The following SAMHD1 variants were observed in gnomAD, a reference collection of about 807,000 sequenced individuals.
SAMHD1 encodes the protein deoxynucleoside triphosphate triphosphohydrolase SAMHD1.
SAMHD1 carries 54 observed loss-of-function variants against 79.6 expected under a neutral mutation model. That is an observed-to-expected ratio of 0.68 (90% CI 0.55 to 0.85). The LOEUF is 0.85. SAMHD1 is among the 40% of genes least tolerant of loss of function. The pLI is 0.00. For missense variants in SAMHD1, 663 were observed against 782.7 expected (o/e 0.85, Z 1.82); for synonymous variants, 260 against 264.1 (o/e 0.98, Z 0.15).
chr20:36,904,439 C>A, intron 12 of SAMHD1, 190 bp from the exon 13 acceptor site: 1 of 580,814 alleles, frequency 1.7e-6, no homozygotes, highest in Non-Finnish European at 3.1e-6. Flanking sequence ...TAAAAAGTGG[C>A]CAGGCGCAGT....
At chr20:36,901,156 G>A (rs1990299240) in intron 13 of SAMHD1, among the ~76,000 whole-genome samples, 1 of 152,130 alleles carries the variant, frequency 6.6e-6, no homozygotes, top group Non-Finnish European at 1.5e-5. Flanking sequence ...GAGAGGGGAA[G>A]AGCAGTGTGG....
intron 1 of SAMHD1, among the ~76,000 whole-genome samples, chr20:36,949,330 G>C (rs1310636325): frequency 6.6e-6 from 1 of 151,172 alleles, no homozygotes; most frequent in African/African-American, 2.4e-5. Context: ...GAACCAAACA[G>C]AGGTTGGGCA....
chr20:36,948,605 A>T (rs2063710709), intron 1 of SAMHD1, among the ~76,000 whole-genome samples: 1 of 151,356 alleles, frequency 6.6e-6, no homozygotes, highest in Non-Finnish European at 1.5e-5. Flanking sequence ...GTGGTGGCTC[A>T]CACCTGTAAT....
chr20:36,944,007 G>C (rs1311198456), intron 2 of SAMHD1, among the ~76,000 whole-genome samples: 1 of 149,150 alleles, frequency 6.7e-6, no homozygotes, highest in African/African-American at 2.5e-5. Context: ...GAATCTGGGA[G>C]GTGGAGGTTG....
At chr20:36,909,188 C>T (rs2063422309) in intron 11 of SAMHD1, among the ~76,000 whole-genome samples, 1 of 152,088 alleles carries the variant, frequency 6.6e-6, no homozygotes, top group Admixed American at 6.6e-5. Flanking sequence ...TCTCGAACTC[C>T]TGACCTCAGG....
At chr20:36,931,021 G>A (rs2146132354) in intron 4 of SAMHD1, 146 bp from the exon 5 acceptor site, 1 of 682,002 alleles carries the variant, frequency 1.5e-6, no homozygotes, top group Non-Finnish European at 2.7e-6. Context: ...GAACTAGGCA[G>A]GAACACACAC....
intron 4 of SAMHD1, among the ~76,000 whole-genome samples, chr20:36,931,241 T>A (rs997235818): frequency 4.6e-5 from 7 of 152,206 alleles, no homozygotes; most frequent in Non-Finnish European, 8.8e-5. Context: ...GTAGCTGCCA[T>A]GGAAAACAGT....
chr20:36,944,486 GT>G (rs2063671158), intron 2 of SAMHD1, among the ~76,000 whole-genome samples: 1 of 152,142 alleles, frequency 6.6e-6, no homozygotes, highest in African/African-American at 2.4e-5. Context: ...ATAATCCTTT[GT>G]TTTGATTCTT....
At chr20:36,927,696 G>A (rs926899575) in intron 5 of SAMHD1, among the ~76,000 whole-genome samples, 2 of 152,122 alleles carry the variant, frequency 1.3e-5, no homozygotes, top group African/African-American at 4.8e-5. Flanking sequence ...CACAAAAAGG[G>A]ACAAACCCTT....
chr20:36,940,641 G>A (rs368872473), intron 3 of SAMHD1: 17 of 259,076 alleles, frequency 6.6e-5, no homozygotes, highest in East Asian at 3.3e-4. Context: ...GGAGGTTGGA[G>A]TGAGCTGAGA....
chr20:36,903,923 ATTTTT>A, intron 13 of SAMHD1: 1 of 415,482 alleles, frequency 2.4e-6, no homozygotes. Flanking sequence ...GTAATTAAAA[ATTTTT>A]AATTAATATA....
At chr20:36,913,092 G>C (rs1191490311) in intron 9 of SAMHD1, among the ~76,000 whole-genome samples, 8 of 148,588 alleles carry the variant, frequency 5.4e-5, no homozygotes. Context: ...TGCCTCCTGG[G>C]TTCATGCCAT....
At chr20:36,945,512 T>C (rs1260423202) in intron 2 of SAMHD1, among the ~76,000 whole-genome samples, 1 of 152,226 alleles carries the variant, frequency 6.6e-6, no homozygotes, top group Non-Finnish European at 1.5e-5. Context: ...GTGTGTATAA[T>C]TCAATTATTC....
intron 5 of SAMHD1, among the ~76,000 whole-genome samples, chr20:36,930,502 A>C (rs1231305972): frequency 2.0e-5 from 3 of 152,126 alleles, no homozygotes; most frequent in Admixed American, 6.6e-5. Context: ...CTCAAAAAAA[A>C]AACAACAACA....
chr20:36,906,941 G>C (rs961004831), intron 11 of SAMHD1, among the ~76,000 whole-genome samples: 10 of 151,678 alleles, frequency 6.6e-5, no homozygotes, highest in African/African-American at 2.4e-4. Flanking sequence ...ACAGGTACAT[G>C]CCACCACACC....
At chr20:36,936,847 G>C (rs2063607153) in intron 3 of SAMHD1, among the ~76,000 whole-genome samples, 1 of 151,914 alleles carries the variant, frequency 6.6e-6, no homozygotes, top group Non-Finnish European at 1.5e-5. Flanking sequence ...TTTTGGTAGA[G>C]ATGGGGTTTC....
chr20:36,934,844 G>T, intron 4 of SAMHD1, 185 bp downstream of exon 4: 1 of 554,560 alleles, frequency 1.8e-6, no homozygotes, highest in South Asian at 1.8e-5. Flanking sequence ...TTGTAGTAAA[G>T]ATGGGGTTTC....
chr20:36,932,609 G>T (rs907827594), intron 4 of SAMHD1, among the ~76,000 whole-genome samples: 7 of 151,746 alleles, frequency 4.6e-5, no homozygotes, highest in Non-Finnish European at 1.0e-4. Flanking sequence ...TAGAGACGGG[G>T]TTTCGCCATG....
At chr20:36,905,306 TCTC>T (rs2063398309) in intron 12 of SAMHD1, 55 bp downstream of exon 12, 4 of 1,564,552 alleles carry the variant, frequency 2.6e-6, no homozygotes, top group Non-Finnish European at 3.5e-6. Flanking sequence ...AGGTTAGTGG[TCTC>T]CTCTTGGAGG....
Sources: gnomAD v4.1 joint callset for allele counts (sites outside exome capture counted in the v4.1 genomes callset) on GRCh38, gnomAD v4.1.1 for gene constraint, MANE v1.5 for transcripts, NCBI Gene and HGNC (gene_info 2026-07-23, HGNC 2026-07-21) for gene names.